The following DNAH11 variants were observed in gnomAD, a reference collection of about 807,000 sequenced individuals.
The protein encoded by DNAH11 is dynein axonemal heavy chain 11.
A neutral mutation model predicts 526.0 loss-of-function variants in DNAH11; 442 were observed. That is an observed-to-expected ratio of 0.84 (90% CI 0.78 to 0.91). The LOEUF is 0.91. Among genes scored for constraint, DNAH11 ranks in the 40% least tolerant of loss-of-function variants. DNAH11 has a pLI of 0.00. For synonymous variants in DNAH11, 2,461 were observed against 1,935.9 expected (o/e 1.27, Z -7.12); for missense variants, 6,989 against 5,448.7 (o/e 1.28, Z -8.90).
chr7:21,640,814 A>G (rs1297690994), intron 28 of DNAH11, among the ~76,000 whole-genome samples: 1 of 152,186 alleles, frequency 6.6e-6, no homozygotes, highest in Non-Finnish European at 1.5e-5. Flanking sequence ...CTTTCGTTTA[A>G]TAACTTGGTG....
At chr7:21,582,117 C>T (rs912038075) in intron 9 of DNAH11, 96 bp downstream of exon 9, 7 of 730,270 alleles carry the variant, frequency 9.6e-6, no homozygotes, top group Admixed American at 2.3e-5. Context: ...AGAGTATTCA[C>T]TAGGTTAACT....
At chr7:21,851,520 T>C (rs776560720) in intron 66 of DNAH11, 24 of 471,038 alleles carry the variant, frequency 5.1e-5, no homozygotes, top group African/African-American at 3.8e-4. Flanking sequence ...TCTGGACATA[T>C]TTAAAATGGT....
chr7:21,721,066 C>G (rs1784858039), intron 44 of DNAH11, among the ~76,000 whole-genome samples: 1 of 152,192 alleles, frequency 6.6e-6, no homozygotes. Context: ...ACCCTCCAGC[C>G]TGGCTGTGTC....
chr7:21,618,735 T>G (rs934473228), intron 23 of DNAH11, among the ~76,000 whole-genome samples: 3 of 152,064 alleles, frequency 2.0e-5, no homozygotes, highest in African/African-American at 7.2e-5. Flanking sequence ...AAAAGACAAA[T>G]GAGCCACTAC....
chr7:21,688,852 G>A (rs1783495714), intron 34 of DNAH11, among the ~76,000 whole-genome samples: 2 of 152,206 alleles, frequency 1.3e-5, no homozygotes, highest in African/African-American at 4.8e-5. Context: ...ATAGTATGCA[G>A]CACAATTCTG....
At chr7:21,855,723 G>C (rs1313339948) in intron 68 of DNAH11, among the ~76,000 whole-genome samples, 12 of 152,120 alleles carry the variant, frequency 7.9e-5, no homozygotes, top group Non-Finnish European at 1.5e-4. Flanking sequence ...TCCGTTTTTA[G>C]ACAAATGTTT....
At chr7:21,748,855 A>C in intron 52 of DNAH11, 113 bp downstream of exon 52, 1 of 1,097,892 alleles carries the variant, frequency 9.1e-7, no homozygotes, top group Non-Finnish European at 1.2e-6. Flanking sequence ...GGCCTCCCCA[A>C]CCACGGGAGA....
At chr7:21,739,532 C>T in intron 47 of DNAH11, 39 bp from the exon 48 acceptor site, 4 of 1,551,996 alleles carry the variant, frequency 2.6e-6, no homozygotes, top group Non-Finnish European at 3.5e-6. Context: ...TTTGTCATCT[C>T]CAGTTTTTGG....
intron 32 of DNAH11, among the ~76,000 whole-genome samples, chr7:21,685,822 A>G (rs1418718594): frequency 6.6e-6 from 1 of 152,182 alleles, no homozygotes; most frequent in Non-Finnish European, 1.5e-5. Flanking sequence ...AAGGGGAAAA[A>G]AGAGAGTCCA....
chr7:21,844,184 G>A (rs1782327202), intron 66 of DNAH11, among the ~76,000 whole-genome samples: 1 of 152,156 alleles, frequency 6.6e-6, no homozygotes, highest in Admixed American at 6.5e-5. Context: ...GGAAAGCTGA[G>A]GCTGGATCAC....
rs545372275 is a variant in DNAH11, at chr7:21,860,837, A to G, written c.11203-1016A>G. Among the ~76,000 whole-genome samples, 30 of 152,312 alleles carry G rather than the reference A, an allele frequency of 2.0e-4. No individual in the cohort carries two copies. The East Asian group carries it at 5.6e-3, about 28-fold the overall frequency. On this transcript the variant is annotated intron_variant, in intron 68 of 81. Coordinates refer to ENST00000409508, the MANE Select transcript of DNAH11 (RefSeq NM_001277115.2). ...ACGTGGCTGGGGAGGCCTCACAATC[A>G]TGGTGGAAGGCGAAAGGCACTTCTT...
In DNAH11 at chr7:21,842,029, A is replaced by G. The variant is rs114774946; in HGVS notation, c.10692-515A>G. On this transcript the variant is annotated intron_variant, in intron 65 of 81. Coordinates refer to ENST00000409508, the MANE Select transcript of DNAH11 (RefSeq NM_001277115.2). Reference sequence around the variant, plus strand: ...TATTAACCTTTTAAAATGTATATGTAGCTCACATTTATTTCAGTGTTTAAT... The same window carrying G: ...TATTAACCTTTTAAAATGTATATGTGGCTCACATTTATTTCAGTGTTTAAT... Among the ~76,000 whole-genome samples, 843 of 152,344 alleles carry G rather than the reference A, an allele frequency of 5.5e-3. 8 individuals are homozygous for G. The highest frequency in any genetic ancestry group is 0.019 in the African/African-American group (800 of 41,582).
rs375023124 is a variant in DNAH11 at position 21,559,756 on chromosome 7, G to C, written c.846G>C (p.Met282Ile). 61 of 1,606,098 alleles carry C rather than the reference G, an allele frequency of 3.8e-5. No individual in the cohort carries two copies. The East Asian group carries it at 9.2e-4, about 24-fold the overall frequency. The change falls in exon 4 of 82, where the codon ATG becomes ATC. Residue 282 changes from methionine (M) to isoleucine (I), a missense_variant. Physicochemically the swap from Met to Ile is conservative, Grantham distance 10. Coordinates refer to ENST00000409508, the MANE Select transcript of DNAH11 (RefSeq NM_001277115.2). ...LSPQAELDFW[M>I]MRRENLSCIY... is the part of the protein sequence containing the mutation. Reference sequence around the variant, plus strand: ...CTCAAGCAGAACTAGATTTCTGGATGATGAGGAGAGAAAATCTGTCATGCA... The same window carrying C: ...CTCAAGCAGAACTAGATTTCTGGATCATGAGGAGAGAAAATCTGTCATGCA...
At chr7:21,786,380 GATCATT>G (rs1384752048) in intron 58 of DNAH11, among the ~76,000 whole-genome samples, 1 of 151,502 alleles carries the variant, frequency 6.6e-6, no homozygotes, top group East Asian at 1.9e-4. Flanking sequence ...TAGATATATA[GATCATT>G]TTTCTTGAAG....
At chr7:21,638,302 T>C (rs1182142159) in intron 27 of DNAH11, among the ~76,000 whole-genome samples, 1 of 152,190 alleles carries the variant, frequency 6.6e-6, no homozygotes, top group Admixed American at 6.5e-5. Context: ...AATTTTATAT[T>C]ACATAAACAG....
intron 32 of DNAH11, among the ~76,000 whole-genome samples, chr7:21,686,396 C>G: frequency 6.6e-6 from 1 of 152,126 alleles, no homozygotes; most frequent in East Asian, 1.9e-4. Context: ...TGAGGAAACT[C>G]CAAATAAAGA....
intron 30 of DNAH11, among the ~76,000 whole-genome samples, chr7:21,659,499 T>C (rs953116654): frequency 1.3e-5 from 2 of 152,040 alleles, no homozygotes; most frequent in African/African-American, 4.8e-5. Flanking sequence ...ATCCCAGTTA[T>C]CCTGTGACCT....
chr7:21,835,884 C>G (rs998625409), intron 65 of DNAH11, among the ~76,000 whole-genome samples: 6 of 149,672 alleles, frequency 4.0e-5, no homozygotes, highest in African/African-American at 1.5e-4. Flanking sequence ...AAAAAAAAAC[C>G]GTTAGAACTA....
intron 9 of DNAH11, 62 bp downstream of exon 9, chr7:21,582,083 A>G (rs1440631373): frequency 9.6e-7 from 1 of 1,046,530 alleles, no homozygotes; most frequent in African/African-American, 1.6e-5. Flanking sequence ...CTGTTAAATG[A>G]AAGGGGTGAA....
Sources: gnomAD v4.1 joint callset for allele counts (sites outside exome capture counted in the v4.1 genomes callset) on GRCh38, gnomAD v4.1.1 for gene constraint, MANE v1.5 for transcripts, NCBI Gene and HGNC (gene_info 2026-07-23, HGNC 2026-07-21) for gene names.